BHMT2: variants seen among roughly 807,000 people sequenced by gnomAD.
BHMT2 encodes the protein betaine--homocysteine S-methyltransferase 2, also known as S-methylmethionine--homocysteine S-methyltransferase BHMT2.
BHMT2 carries 28 observed loss-of-function variants against 39.0 expected under a neutral mutation model. The ratio of observed to expected loss-of-function variants is 0.72; its 90% CI spans 0.53 to 0.98. The LOEUF is 0.98. Among genes scored for constraint, BHMT2 ranks in the 50% least tolerant of loss-of-function variants. The probability of loss-of-function intolerance (pLI) is 0.00; values close to 1 mark genes in which losing one functional copy is unlikely to be tolerated. For synonymous variants in BHMT2, 145 were observed against 160.6 expected, an observed-to-expected ratio of 0.90 and a Z score of 0.74; for missense variants, 410 against 455.6, an observed-to-expected ratio of 0.90 and a Z score of 0.91.
Position 79,089,547 on chromosome 5 carries a change from CG to C in BHMT2, c.*974del, listed in dbSNP as rs1174273647. 4 of 152,034 alleles carry C rather than the reference CG, an allele frequency of 2.6e-5. No homozygotes were observed. Among genetic ancestry groups the C allele is most frequent in the Admixed American group, 1.3e-4 (2 of 15,264 alleles). The allele number at this position is 152,034 out of a possible 1,614,324, so 9.4% of individuals were successfully genotyped here. On this transcript the variant is annotated 3_prime_UTR_variant, in exon 8 of 8. Transcript: ENST00000255192. ...TATAAACTATTTAAAGACAAGATCA[CG>C]TGATAAGCTTATAATCTTCTCATAA...
At chr5:79,088,192 A>T (rs1755943032) in intron 7 of BHMT2, among the ~76,000 whole-genome samples, 1 of 152,198 alleles carries the variant, frequency 6.6e-6, no homozygotes, top group African/African-American at 2.4e-5. Flanking sequence ...AATAAAAAGT[A>T]TATGAAATTG....
At chr5:79,083,449 C>T in intron 6 of BHMT2, 75 bp downstream of exon 6, 1 of 1,509,162 alleles carries the variant, frequency 6.6e-7, no homozygotes, top group Non-Finnish European at 8.9e-7. Flanking sequence ...AATTGTGGCC[C>T]AGTTTTACAA....
At chr5:79,073,577 AAAAG>A (rs1755620218) in intron 1 of BHMT2, among the ~76,000 whole-genome samples, 1 of 152,250 alleles carries the variant, frequency 6.6e-6, no homozygotes, top group Non-Finnish European at 1.5e-5. Flanking sequence ...GTACAAATTG[AAAAG>A]AGTGAATTGC....
intron 1 of BHMT2, among the ~76,000 whole-genome samples, chr5:79,075,098 G>T (rs1034604353): frequency 6.6e-6 from 1 of 152,174 alleles, no homozygotes; most frequent in Non-Finnish European, 1.5e-5. Context: ...TAGTGGAAAA[G>T]TGGCCATTAG....
chr5:79,073,424 C>T (rs1349170193), intron 1 of BHMT2, among the ~76,000 whole-genome samples: 1 of 152,116 alleles, frequency 6.6e-6, no homozygotes, highest in African/African-American at 2.4e-5. Context: ...ATTGGCCTTC[C>T]CCAAAGTAGC....
At chr5:79,075,124 A>G (rs1755650868) in intron 1 of BHMT2, among the ~76,000 whole-genome samples, 1 of 152,184 alleles carries the variant, frequency 6.6e-6, no homozygotes, top group Non-Finnish European at 1.5e-5. Context: ...ATGTAAATCA[A>G]TGGGCAGGGT....
intron 1 of BHMT2, among the ~76,000 whole-genome samples, chr5:79,070,086 C>T (rs1755527602): frequency 6.6e-6 from 1 of 152,198 alleles, no homozygotes; most frequent in Non-Finnish European, 1.5e-5. Context: ...AACTGAGGCT[C>T]GGCGAGTCAG....
chr5:79,080,657 A>T, intron 3 of BHMT2, 30 bp from the exon 4 acceptor site: 1 of 1,548,380 alleles, frequency 6.5e-7, no homozygotes, highest in South Asian at 1.2e-5. Context: ...TGCTAGGCTC[A>T]CTATCTGAAC....
chr5:79,080,343 C>G (rs1179039800), intron 3 of BHMT2, among the ~76,000 whole-genome samples: 1 of 152,174 alleles, frequency 6.6e-6, no homozygotes, highest in Non-Finnish European at 1.5e-5. Context: ...TGTTAATGCC[C>G]ATTAATTCAT....
At chr5:79,074,995 T>G (rs993268156) in intron 1 of BHMT2, among the ~76,000 whole-genome samples, 3 of 152,100 alleles carry the variant, frequency 2.0e-5, no homozygotes, top group Non-Finnish European at 4.4e-5. Flanking sequence ...TAGGGCTGGG[T>G]TGGCAAACGC....
Position 79,075,015 on chromosome 5 carries a change from AG to A in BHMT2, c.34-2462del, listed in dbSNP as rs570472240. Among the ~76,000 whole-genome samples the A allele has an allele frequency of 2.9e-4, 44 of 152,274 alleles. 1 individual carries two copies. The highest frequency in any genetic ancestry group is 2.5e-3 in the Admixed American group (39 of 15,300). On this transcript the variant is annotated intron_variant, in intron 1 of 7. Transcript: ENST00000255192. ...CTGGGTTGGCAAACGCTTTCTGTAA[AG>A]GGTCAGATAGTAATTATTTTTAGCC...
chr5:79,077,995 A>G (rs1252631594), intron 2 of BHMT2: 1 of 157,328 alleles, frequency 6.4e-6, no homozygotes, highest in Non-Finnish European at 1.4e-5. Context: ...ACACACACAC[A>G]TCTGCATCTT....
intron 7 of BHMT2, among the ~76,000 whole-genome samples, chr5:79,087,452 T>C (rs1262921676): frequency 6.6e-6 from 1 of 152,152 alleles, no homozygotes; most frequent in Non-Finnish European, 1.5e-5. Flanking sequence ...ATCCTTAAAA[T>C]TCATTAGCTA....
At chr5:79,070,497 G>A (rs996218652) in intron 1 of BHMT2, among the ~76,000 whole-genome samples, 2 of 152,236 alleles carry the variant, frequency 1.3e-5, no homozygotes, top group Admixed American at 6.5e-5. Flanking sequence ...ATGTGTGGGG[G>A]TGGGATGAAG....
rs760195361 is a variant in BHMT2, at chr5:79,083,850, G to A, written c.1004G>A (p.Arg335Lys). 3 of 1,613,064 alleles carry A rather than the reference G, an allele frequency of 1.9e-6. No individual in the cohort carries two copies. In the Admixed American group the frequency reaches 5.0e-5, roughly 27 times the overall value. The change falls in exon 7 of 8, where the codon AGA (arginine) becomes AAA (lysine). Residue 335 changes from arginine (R) to lysine (K), a missense_variant. Coordinates refer to ENST00000255192, the MANE Select transcript of BHMT2 (RefSeq NM_017614.5). ...GLDMHTKPWIRARARREYWEN... is the reference protein window; with the variant it reads ...GLDMHTKPWIKARARREYWEN... ...GACATGCACACCAAACCCTGGATTA[G>A]AGCAAGGTAAGCATTTTTAAATTAA...
intron 7 of BHMT2, among the ~76,000 whole-genome samples, chr5:79,086,215 C>T (rs1054336600): frequency 2.0e-5 from 3 of 152,202 alleles, no homozygotes; most frequent in African/African-American, 7.2e-5. Flanking sequence ...CAGGCTGGCT[C>T]TCTCACTCTC....
At chr5:79,081,987 A>T (rs1047853066) in intron 4 of BHMT2, among the ~76,000 whole-genome samples, 3 of 152,230 alleles carry the variant, frequency 2.0e-5, no homozygotes, top group Non-Finnish European at 4.4e-5. Context: ...AGTCATCTGC[A>T]GGGACAAGCA....
At chr5:79,079,241 T>C in intron 2 of BHMT2, 128 bp from the exon 3 acceptor site, 1 of 641,432 alleles carries the variant, frequency 1.6e-6, no homozygotes, top group Non-Finnish European at 2.7e-6. Context: ...TTGTTACTAC[T>C]AGGTTTGAAC....
chr5:79,070,304 G>A (rs1264842456), intron 1 of BHMT2, among the ~76,000 whole-genome samples: 1 of 152,136 alleles, frequency 6.6e-6, no homozygotes, highest in Non-Finnish European at 1.5e-5. Flanking sequence ...CTTGCGAGTC[G>A]CCGGCTGGTC....
Sources: gnomAD v4.1 joint callset for allele counts (sites outside exome capture counted in the v4.1 genomes callset) on GRCh38, gnomAD v4.1.1 for gene constraint, MANE v1.5 for transcripts, NCBI Gene and HGNC (gene_info 2026-07-23, HGNC 2026-07-21) for gene names.